The following ADAMTS17 variants were observed in gnomAD, a reference collection of about 807,000 sequenced individuals.
ADAMTS17 encodes A disintegrin and metalloproteinase with thrombospondin motifs 17.
A neutral mutation model predicts 141.5 loss-of-function variants in ADAMTS17; 113 were observed. The ratio of observed to expected loss-of-function variants is 0.80; its 90% CI spans 0.69 to 0.93. ADAMTS17 has a LOEUF of 0.93. ADAMTS17 is among the 40% of genes least tolerant of loss of function. ADAMTS17 has a pLI of 0.00. For missense variants in ADAMTS17, 1,659 were observed against 1,517.9 expected (o/e 1.09, Z -1.54); for synonymous variants, 768 against 630.6 (o/e 1.22, Z -3.27).
chr15:100,330,748 T>C (rs1596539014), intron 3 of ADAMTS17, 141 bp downstream of exon 3: 3 of 1,019,400 alleles, frequency 2.9e-6, no homozygotes, highest in Middle Eastern at 3.2e-4. Flanking sequence ...GAAAAGGAAG[T>C]GGTCTCAGGG....
chr15:100,091,243 T>C (rs982073733), intron 15 of ADAMTS17, among the ~76,000 whole-genome samples: 5 of 151,910 alleles, frequency 3.3e-5, no homozygotes, highest in African/African-American at 7.3e-5. Flanking sequence ...ATACCCCCGA[T>C]GTGGATGCCA....
chr15:100,121,717 G>C (rs562026815), intron 12 of ADAMTS17, among the ~76,000 whole-genome samples: 9 of 151,948 alleles, frequency 5.9e-5, no homozygotes, highest in East Asian at 1.9e-4. Flanking sequence ...AAGTTCAAAT[G>C]AAAGGATACT....
intron 3 of ADAMTS17, among the ~76,000 whole-genome samples, chr15:100,328,572 A>G (rs2045959816): frequency 6.6e-6 from 1 of 152,154 alleles, no homozygotes; most frequent in South Asian, 2.1e-4. Flanking sequence ...ATTTCTCCCT[A>G]CAGTCTTGCG....
Position 100,194,623 on chromosome 15 carries a change from C to T in ADAMTS17, c.1181+4695G>A, listed in dbSNP as rs369811305. 2.6e-5 allele frequency among the ~76,000 whole-genome samples: 4 copies of T among 152,158 alleles called. No individual in the cohort carries two copies. The South Asian group carries it at 8.3e-4, about 32-fold the overall frequency. ...AGGGGTCAGTCCTTCCTAGGACCAACCAGAGTTGAGCCTGAAAAGCAGGGG... is the reference window on the plus strand; with the variant it reads ...AGGGGTCAGTCCTTCCTAGGACCAATCAGAGTTGAGCCTGAAAAGCAGGGG... On this transcript the variant is annotated intron_variant, in intron 8 of 21. Coordinates refer to ENST00000268070, the MANE Select transcript of ADAMTS17 (RefSeq NM_139057.4).
At chr15:100,111,055 TG>T (rs1350937174) in intron 13 of ADAMTS17, among the ~76,000 whole-genome samples, 1 of 152,086 alleles carries the variant, frequency 6.6e-6, no homozygotes, top group Non-Finnish European at 1.5e-5. Context: ...CGGTTAGCTG[TG>T]GGGGTAAACA....
intron 10 of ADAMTS17, among the ~76,000 whole-genome samples, chr15:100,135,080 G>A (rs2038256714): frequency 2.0e-5 from 3 of 152,182 alleles, no homozygotes; most frequent in Non-Finnish European, 4.4e-5. Flanking sequence ...GGGATTAGGA[G>A]AAATGACCAC....
At chr15:100,308,930 C>T (rs540914454) in intron 3 of ADAMTS17, among the ~76,000 whole-genome samples, 4 of 152,346 alleles carry the variant, frequency 2.6e-5, no homozygotes, top group African/African-American at 9.6e-5. Flanking sequence ...TCCCAAACTT[C>T]TGGGTCCCCA....
intron 18 of ADAMTS17, among the ~76,000 whole-genome samples, chr15:100,008,842 TGTTC>T (rs1268748098): frequency 1.3e-5 from 2 of 152,150 alleles, no homozygotes; most frequent in Non-Finnish European, 2.9e-5. Flanking sequence ...CGTTTTTGTT[TGTTC>T]GTTTGTTTCT....
chr15:100,273,344 TAGG>T (rs2043977549), intron 4 of ADAMTS17, among the ~76,000 whole-genome samples: 1 of 152,140 alleles, frequency 6.6e-6, no homozygotes, highest in African/African-American at 2.4e-5. Flanking sequence ...TATTCTTTAT[TAGG>T]AGGTTTTTGA....
At chr15:100,235,159 G>A (rs975523673) in intron 7 of ADAMTS17, among the ~76,000 whole-genome samples, 1 of 152,136 alleles carries the variant, frequency 6.6e-6, no homozygotes, top group Non-Finnish European at 1.5e-5. Context: ...GGGGAGAAAC[G>A]GAAGGGAGAA....
chr15:100,007,757 G>A (rs981492147), intron 18 of ADAMTS17, among the ~76,000 whole-genome samples: 4 of 152,164 alleles, frequency 2.6e-5, no homozygotes, highest in African/African-American at 9.7e-5. Flanking sequence ...CGGGTGCAGT[G>A]TCAGGCAGGT....
intron 7 of ADAMTS17, among the ~76,000 whole-genome samples, chr15:100,237,011 T>C (rs1357846638): frequency 1.3e-5 from 2 of 151,904 alleles, no homozygotes; most frequent in African/African-American, 4.8e-5. Flanking sequence ...TCACTTGGAG[T>C]AGCTCCCACG....
At chr15:100,235,278 TGGCA>T (rs2042620377) in intron 7 of ADAMTS17, among the ~76,000 whole-genome samples, 1 of 152,126 alleles carries the variant, frequency 6.6e-6, no homozygotes, top group East Asian at 1.9e-4. Context: ...GTAGGGCTGG[TGGCA>T]GGCAAGGGCC....
intron 15 of ADAMTS17, among the ~76,000 whole-genome samples, chr15:100,092,039 T>C (rs1288399615): frequency 6.6e-6 from 1 of 152,194 alleles, no homozygotes; most frequent in Non-Finnish European, 1.5e-5. Flanking sequence ...CCCCTCTGCC[T>C]GTAGGGACAC....
At chr15:99,987,212 G>C (rs954218856) in intron 20 of ADAMTS17, among the ~76,000 whole-genome samples, 7 of 152,226 alleles carry the variant, frequency 4.6e-5, no homozygotes, top group African/African-American at 1.7e-4. Context: ...GGTGAAGTGA[G>C]AGGAGACTGC....
chr15:100,277,230 C>T (rs933424142), intron 4 of ADAMTS17, among the ~76,000 whole-genome samples: 1 of 152,072 alleles, frequency 6.6e-6, no homozygotes, highest in Non-Finnish European at 1.5e-5. Flanking sequence ...CTGCCCTCAG[C>T]CCCGGGCTCT....
chr15:100,193,819 C>T lies in ADAMTS17; in HGVS notation c.1181+5499G>A, dbSNP rs142811186. On this transcript the variant is annotated intron_variant, in intron 8 of 21. Coordinates refer to ENST00000268070, the MANE Select transcript of ADAMTS17 (RefSeq NM_139057.4). ...AATGGAAAGAGAATGGTTTTTTGACCGAAGCAAGGGTGCAGGGACGGCAGG... is the reference window on the plus strand; with the variant it reads ...AATGGAAAGAGAATGGTTTTTTGACTGAAGCAAGGGTGCAGGGACGGCAGG... Among the ~76,000 whole-genome samples, 10 of 152,214 alleles carry T rather than the reference C, an allele frequency of 6.6e-5. No homozygotes were observed. The East Asian group carries it at 1.4e-3, about 21-fold the overall frequency.
chr15:100,110,036 A>G (rs2036655979), intron 13 of ADAMTS17, among the ~76,000 whole-genome samples: 1 of 151,906 alleles, frequency 6.6e-6, no homozygotes. Context: ...AAAGAGTGTG[A>G]AAGGGATGAC....
chr15:100,137,232 G>A (rs2038380533), intron 10 of ADAMTS17, among the ~76,000 whole-genome samples: 1 of 152,152 alleles, frequency 6.6e-6, no homozygotes, highest in African/African-American at 2.4e-5. Context: ...CAGAATTCAT[G>A]GGACGGAAAC....
Sources: allele counts gnomAD v4.1 joint callset (sites outside exome capture counted in the v4.1 genomes callset), GRCh38; gene constraint gnomAD v4.1.1; transcripts MANE v1.5; gene names NCBI Gene and HGNC (gene_info 2026-07-23, HGNC 2026-07-21).